Variants in PTPRG observed in about 807,000 individuals in gnomAD.
PTPRG encodes the protein protein tyrosine phosphatase receptor type G, also known as receptor-type tyrosine-protein phosphatase gamma.
In PTPRG, 102 loss-of-function variants were observed where a neutral mutation model predicts 165.3. The observed-to-expected ratio is 0.62, with a 90% CI of 0.53 to 0.73. The LOEUF (loss-of-function observed/expected upper bound fraction) is 0.73, where lower values mean the gene tolerates loss of function less well. Ranked by LOEUF, PTPRG falls within the 30% of genes least tolerant of loss-of-function variation. The probability of loss-of-function intolerance (pLI) is 0.00; values close to 1 mark genes in which losing one functional copy is unlikely to be tolerated. For synonymous variants in PTPRG, 675 were observed against 669.5 expected (o/e 1.01, Z -0.13); for missense variants, 1,866 against 1,861.4 (o/e 1.00, Z -0.05).
chr3:61,835,911 A>G (rs954871479), intron 2 of PTPRG, among the ~76,000 whole-genome samples: 3 of 151,708 alleles, frequency 2.0e-5, no homozygotes, highest in Admixed American at 2.0e-4. Flanking sequence ...ATGGTGGCAC[A>G]TGCCTGTAAT....
intron 7 of PTPRG, among the ~76,000 whole-genome samples, chr3:62,163,125 CA>C (rs1263942186): frequency 2.0e-5 from 3 of 152,094 alleles, no homozygotes; most frequent in African/African-American, 7.2e-5. Flanking sequence ...GTCACGGGAA[CA>C]GCAAGAGGGA....
chr3:61,659,414 T>G, intron 1 of PTPRG: 2 of 985,348 alleles, frequency 2.0e-6, no homozygotes, highest in Non-Finnish European at 2.4e-6. Flanking sequence ...GATGAGGCTG[T>G]GTACACTTCT....
chr3:62,191,452 G>C lies in PTPRG; in HGVS notation c.1034-17G>C, dbSNP rs774426139. ...TTGTTCTGAAAGCTCCCTGAGCTGA[G>C]CCCTGTGTATCTTCAGTTTGCAGCT... is the stretch of plus-strand genomic sequence containing the variant. On this transcript the variant is annotated splice_polypyrimidine_tract_variant and intron_variant, in intron 8 of 29. Transcript: ENST00000474889. 6.2e-7 allele frequency: 1 copy of C among 1,611,620 alleles called. No homozygotes were observed. The highest frequency in any genetic ancestry group is 1.1e-5 in the South Asian group (1 of 90,660).
chr3:61,673,613 A>C (rs138724977), intron 1 of PTPRG, among the ~76,000 whole-genome samples: 13 of 152,214 alleles, frequency 8.5e-5, no homozygotes, highest in Admixed American at 7.8e-4. Flanking sequence ...TGTTTGTATA[A>C]ATCTATGCAA....
chr3:62,271,574 CAT>C lies in PTPRG; in HGVS notation c.3182+20_3182+21del, dbSNP rs1702067458. On this transcript the variant is annotated intron_variant, in intron 21 of 29. Coordinates refer to ENST00000474889, the MANE Select transcript of PTPRG (RefSeq NM_002841.4). This position sits in a 1 kb window ranked among gnomAD's most constrained non-coding sequence, Gnocchi z 4.1. ...ACTGCAGGTAGGGTCTAGGATTCAA[CAT>C]GTGAAATAGATGGGGCAGGGGACTT... is the stretch of plus-strand genomic sequence containing the variant. 6.2e-7 allele frequency: 1 copy of C among 1,604,824 alleles called. No individual in the cohort carries two copies.
intron 1 of PTPRG, among the ~76,000 whole-genome samples, chr3:61,702,132 C>T (rs1157958298): frequency 2.0e-5 from 3 of 152,100 alleles, no homozygotes; most frequent in Non-Finnish European, 1.5e-5. Flanking sequence ...GCGAGCACCA[C>T]CACACCTGGA....
chr3:61,707,255 G>A (rs1182622183), intron 1 of PTPRG, among the ~76,000 whole-genome samples: 2 of 152,218 alleles, frequency 1.3e-5, no homozygotes, highest in Non-Finnish European at 2.9e-5. Context: ...AGTTTAGTTA[G>A]TATTTGTATT....
In PTPRG at chr3:62,252,960, A is replaced by G. The variant is rs997484555; in HGVS notation, c.2468-2164A>G. Among the ~76,000 whole-genome samples, 1 of 152,128 alleles carries G rather than the reference A, an allele frequency of 6.6e-6. No homozygotes were observed. Among genetic ancestry groups the G allele is most frequent in the African/African-American group, 2.4e-5 (1 of 41,416 alleles). On this transcript the variant is annotated intron_variant, in intron 15 of 29. Transcript: ENST00000474889. This position sits in a 1 kb window ranked among gnomAD's most constrained non-coding sequence, Gnocchi z 4.6. ...AAGATGCAAATTGGAGAGACTAGTG[A>G]GTCATATATTTCCATGATTATCACA...
At chr3:61,614,322 C>G (rs1212003677) in intron 1 of PTPRG, among the ~76,000 whole-genome samples, 1 of 152,116 alleles carries the variant, frequency 6.6e-6, no homozygotes, top group Non-Finnish European at 1.5e-5. Context: ...TGCTACTAAC[C>G]AACCCTATGA....
intron 4 of PTPRG, among the ~76,000 whole-genome samples, chr3:62,069,708 A>ACG (rs1701148024): frequency 6.8e-6 from 1 of 147,912 alleles, no homozygotes; most frequent in African/African-American, 2.5e-5. Context: ...ACGCACACAC[A>ACG]CACACACATG....
chr3:61,765,100 A>G (rs2106988575), intron 2 of PTPRG, among the ~76,000 whole-genome samples: 1 of 152,348 alleles, frequency 6.6e-6, no homozygotes, highest in East Asian at 1.9e-4. Flanking sequence ...CTTTCTAGCC[A>G]GTCCTTAATT....
chr3:62,263,852 A>T (rs1460117487), intron 17 of PTPRG: 1 of 152,276 alleles, frequency 6.6e-6, no homozygotes, highest in East Asian at 1.9e-4. Flanking sequence ...GTCTCTACAA[A>T]AAATACTAAA....
intron 6 of PTPRG, among the ~76,000 whole-genome samples, chr3:62,153,133 T>G (rs1434490546): frequency 6.6e-6 from 1 of 152,248 alleles, no homozygotes; most frequent in Non-Finnish European, 1.5e-5. Context: ...ATTCACCTCT[T>G]GGCCTGCAAA....
chr3:61,853,187 G>A (rs757386708), intron 2 of PTPRG, among the ~76,000 whole-genome samples: 5 of 152,284 alleles, frequency 3.3e-5, no homozygotes, highest in African/African-American at 1.2e-4. Context: ...AGCAGGGAAG[G>A]GGGGTTTGAG....
chr3:61,902,182 A>T (rs140144002), intron 2 of PTPRG, among the ~76,000 whole-genome samples: 1 of 152,328 alleles, frequency 6.6e-6, no homozygotes, highest in African/African-American at 2.4e-5. Context: ...GAGATGCCAC[A>T]TTCTTCTGTT....
At chr3:62,072,833 T>C (rs558194086) in intron 4 of PTPRG, among the ~76,000 whole-genome samples, 1 of 152,182 alleles carries the variant, frequency 6.6e-6, no homozygotes, top group Non-Finnish European at 1.5e-5. Context: ...CTATTTCAAC[T>C]ATGTTTGGAA....
intron 4 of PTPRG, among the ~76,000 whole-genome samples, chr3:62,067,354 G>C (rs1050745257): frequency 1.3e-5 from 2 of 151,684 alleles, no homozygotes; most frequent in African/African-American, 2.4e-5. Context: ...GGGTGTTTAG[G>C]AGCACCCCTG....
intron 5 of PTPRG, among the ~76,000 whole-genome samples, chr3:62,128,254 T>C (rs748917956): frequency 6.6e-6 from 1 of 152,152 alleles, no homozygotes; most frequent in Non-Finnish European, 1.5e-5. Context: ...TTCTAGTCCA[T>C]TTTAAGCTCA....
intron 2 of PTPRG, among the ~76,000 whole-genome samples, chr3:61,778,550 G>A (rs1192755042): frequency 6.6e-6 from 1 of 152,060 alleles, no homozygotes; most frequent in Non-Finnish European, 1.5e-5. Context: ...TTTTGATTTT[G>A]TTCTAGGAAG....
Sources: gnomAD v4.1 joint callset for allele counts (sites outside exome capture counted in the v4.1 genomes callset) on GRCh38, gnomAD v4.1.1 for gene constraint, Gnocchi (gnomAD v3.1) non-coding constraint, MANE v1.5 for transcripts, NCBI Gene and HGNC (gene_info 2026-07-23, HGNC 2026-07-21) for gene names.